The following NRIP1 variants were observed in gnomAD, a reference collection of about 807,000 sequenced individuals.
NRIP1 encodes the protein nuclear receptor-interacting protein 1.
A neutral mutation model predicts 75.0 loss-of-function variants in NRIP1; 28 were observed. The observed-to-expected ratio is 0.37, with a 90% confidence interval of 0.28 to 0.51. The LOEUF (loss-of-function observed/expected upper bound fraction) is 0.51. Among genes scored for constraint, NRIP1 ranks in the 20% least tolerant of loss-of-function variants. The probability of loss-of-function intolerance (pLI) is 0.92; values close to 1 mark genes in which losing one functional copy is unlikely to be tolerated. For synonymous variants in NRIP1, 526 were observed against 487.6 expected (o/e 1.08, Z -1.04); for missense variants, 1,435 against 1,343.7 (o/e 1.07, Z -1.06).
chr21:15,038,021 C>A (rs1397890606), intron 2 of NRIP1, among the ~76,000 whole-genome samples: 3 of 152,068 alleles, frequency 2.0e-5, no homozygotes, highest in Non-Finnish European at 4.4e-5. Flanking sequence ...ACTCATAATT[C>A]TTCCTGTTCC....
rs1465652858 is a variant in NRIP1 at position 14,967,501 on chromosome 21, C to T, written c.692G>A (p.Ser231Asn). 5.6e-6 allele frequency: 9 copies of T among 1,614,048 alleles called. No individual in the cohort carries two copies. The East Asian group carries it at 2.0e-4, about 36-fold the overall frequency. Residue 231 changes from serine (S) to asparagine (N), a missense_variant, in exon 4 of 4, where the codon AGT becomes AAT. Transcript: ENST00000318948. ...HVGQSGTKVM[S>N]EPLSCAARLQ... is the part of the protein sequence containing the mutation. ...TCTTGCAGCACATGACAACGGTTCA[C>T]TCATGACCTTTGTTCCACTTTGTCC...
intron 1 of NRIP1, among the ~76,000 whole-genome samples, chr21:15,049,782 T>C (rs999452503): frequency 3.9e-5 from 6 of 152,110 alleles, no homozygotes; most frequent in South Asian, 2.1e-4. Context: ...AGCTATGATA[T>C]TATAAAATTC....
Position 14,967,491 on chromosome 21 carries a change from C to T in NRIP1, c.702G>A (p.Leu234=). 1 of 1,614,120 alleles carries T rather than the reference C, an allele frequency of 6.2e-7. No individual in the cohort carries two copies. Among genetic ancestry groups the T allele is most frequent in the South Asian group, 1.1e-5 (1 of 91,082 alleles). The change falls in exon 4 of 4, where the codon TTG becomes TTA. Residue 234 remains leucine (L), a synonymous_variant. Transcript: ENST00000318948. ...QSGTKVMSEP[L]SCAARLQAVA... is the part of the protein sequence containing the mutation. ...CAGCCTGTAATCTTGCAGCACATGACAACGGTTCACTCATGACCTTTGTTC... is the reference window on the plus strand; with the variant it reads ...CAGCCTGTAATCTTGCAGCACATGATAACGGTTCACTCATGACCTTTGTTC...
At chr21:15,002,948 A>G (rs1295222088) in intron 3 of NRIP1, among the ~76,000 whole-genome samples, 1 of 152,200 alleles carries the variant, frequency 6.6e-6, no homozygotes, top group East Asian at 1.9e-4. Flanking sequence ...AGCTATTTGA[A>G]AAATATTTTC....
intron 3 of NRIP1, among the ~76,000 whole-genome samples, chr21:14,970,480 A>G (rs2086872340): frequency 6.6e-6 from 1 of 152,226 alleles, no homozygotes; most frequent in African/African-American, 2.4e-5. Context: ...TGGTAGGCAG[A>G]GGTTGCAGTG....
chr21:14,991,487 C>T (rs2087570310), intron 3 of NRIP1, among the ~76,000 whole-genome samples: 1 of 151,916 alleles, frequency 6.6e-6, no homozygotes, highest in African/African-American at 2.4e-5. Context: ...GTTAGTTCAG[C>T]TAAACATGAT....
At chr21:15,025,914 A>C (rs1201404865) in intron 2 of NRIP1, among the ~76,000 whole-genome samples, 1 of 152,206 alleles carries the variant, frequency 6.6e-6, no homozygotes, top group Non-Finnish European at 1.5e-5. Context: ...GAGACAATAA[A>C]ATGCAAAGTG....
chr21:15,010,651 C>T (rs969857376), intron 3 of NRIP1, among the ~76,000 whole-genome samples: 4 of 152,164 alleles, frequency 2.6e-5, no homozygotes, highest in African/African-American at 9.7e-5. Flanking sequence ...GTTCATTATG[C>T]TATTGCAATT....
Position 14,967,665 on chromosome 21 carries a change from C to G in NRIP1, c.528G>C (p.Arg176Ser). 6.2e-7 allele frequency: 1 copy of G among 1,614,046 alleles called. No homozygotes were observed. Among genetic ancestry groups the G allele is most frequent in the South Asian group, 1.1e-5 (1 of 91,076 alleles). ...HDSLKVEKDL[R>S]CYGVASSHLK... is the part of the protein sequence containing the mutation. Reference sequence around the variant, plus strand: ...AGTGACTTGATGCAACACCATAGCACCTTAAATCCTTCTCCACTTTTAAAG... The same window carrying G: ...AGTGACTTGATGCAACACCATAGCAGCTTAAATCCTTCTCCACTTTTAAAG... Residue 176 changes from arginine (R) to serine (S), a missense_variant, in exon 4 of 4, where the codon AGG (arginine) becomes AGC (serine). Coordinates refer to ENST00000318948, the MANE Select transcript of NRIP1 (RefSeq NM_003489.4).
At chr21:15,011,497 CT>C (rs199584035) in intron 3 of NRIP1, among the ~76,000 whole-genome samples, 2 of 151,914 alleles carry the variant, frequency 1.3e-5, no homozygotes, top group Admixed American at 1.3e-4. Flanking sequence ...AGTACTGGCC[CT>C]TTTTTAAAAA....
intron 3 of NRIP1, among the ~76,000 whole-genome samples, chr21:15,010,709 T>C (rs116214415): frequency 1.3e-3 from 191 of 152,340 alleles, no homozygotes; most frequent in African/African-American, 4.4e-3. Flanking sequence ...GCTGGAGTTT[T>C]AGGAAGATCT....
At chr21:15,021,328 G>T (rs117270634) in intron 2 of NRIP1, among the ~76,000 whole-genome samples, 2 of 152,160 alleles carry the variant, frequency 1.3e-5, no homozygotes, top group Non-Finnish European at 2.9e-5. Context: ...TATCTATATT[G>T]TATGATTCCA....
intron 3 of NRIP1, among the ~76,000 whole-genome samples, chr21:14,993,454 C>A (rs1476162461): frequency 1.3e-5 from 2 of 152,086 alleles, no homozygotes; most frequent in African/African-American, 4.8e-5. Flanking sequence ...ATACCATGAG[C>A]CTTAAAAACA....
chr21:15,013,207 T>G (rs1410093587), intron 3 of NRIP1, among the ~76,000 whole-genome samples: 1 of 152,208 alleles, frequency 6.6e-6, no homozygotes, highest in African/African-American at 2.4e-5. Flanking sequence ...TGCAACCAAA[T>G]AATTATTAGT....
chr21:15,054,631 T>C (rs752392291), intron 1 of NRIP1, among the ~76,000 whole-genome samples: 8 of 152,210 alleles, frequency 5.3e-5, no homozygotes, highest in Non-Finnish European at 1.0e-4. Context: ...AGAGCTTCCA[T>C]TATTCATAAG....
intron 2 of NRIP1, among the ~76,000 whole-genome samples, chr21:15,033,329 T>TCA (rs74448054): frequency 6.6e-6 from 1 of 151,890 alleles, no homozygotes; most frequent in East Asian, 1.9e-4. Flanking sequence ...CTCTATGAAT[T>TCA]TATTTCCATT....
intron 3 of NRIP1, among the ~76,000 whole-genome samples, chr21:14,981,162 CTA>C (rs754881067): frequency 7.2e-5 from 11 of 152,214 alleles, no homozygotes; most frequent in Non-Finnish European, 1.3e-4. Context: ...TGCAGAAATT[CTA>C]TGTCTTTAAA....
intron 3 of NRIP1, among the ~76,000 whole-genome samples, chr21:14,969,427 T>C (rs768918403): frequency 1.4e-4 from 21 of 152,204 alleles, no homozygotes; most frequent in Non-Finnish European, 2.5e-4. Context: ...TTGAAAAATA[T>C]TCCAATGATA....
chr21:15,005,742 C>T (rs2087954627), intron 3 of NRIP1, among the ~76,000 whole-genome samples: 1 of 152,134 alleles, frequency 6.6e-6, no homozygotes, highest in Non-Finnish European at 1.5e-5. Flanking sequence ...CAGAATAGAA[C>T]AAACCACCAG....
Sources: gnomAD v4.1 joint callset for allele counts (sites outside exome capture counted in the v4.1 genomes callset) on GRCh38, gnomAD v4.1.1 for gene constraint, MANE v1.5 for transcripts, NCBI Gene and HGNC (gene_info 2026-07-23, HGNC 2026-07-21) for gene names.